Variants in SIPA1L1 observed in about 807,000 individuals in gnomAD.
SIPA1L1 encodes signal-induced proliferation-associated 1-like protein 1.
SIPA1L1 carries 26 observed loss-of-function variants against 162.7 expected under a neutral mutation model. That is an observed-to-expected ratio of 0.16 (90% confidence interval 0.12 to 0.22). The LOEUF is 0.22. SIPA1L1 is among the 10% of genes least tolerant of loss of function. The pLI, the probability that SIPA1L1 is intolerant of heterozygous loss-of-function variation, is 1.00. For missense variants in SIPA1L1, 1,874 were observed against 2,241.0 expected, an observed-to-expected ratio of 0.84 and a Z score of 3.31; for synonymous variants, 829 against 837.4, an observed-to-expected ratio of 0.99 and a Z score of 0.17.
At chr14:71,669,462 G>GCCAAT (rs2149348014) in intron 10 of SIPA1L1, among the ~76,000 whole-genome samples, 1 of 152,256 alleles carries the variant, frequency 6.6e-6, no homozygotes, top group Non-Finnish European at 1.5e-5. Context: ...ATGAGAAGTT[G>GCCAAT]CCAATTTTAA....
At chr14:71,349,419 G>A (rs1379751971) in intron 2 of SIPA1L1, among the ~76,000 whole-genome samples, 1 of 152,090 alleles carries the variant, frequency 6.6e-6, no homozygotes, top group Non-Finnish European at 1.5e-5. Flanking sequence ...CTTGTTTCTG[G>A]GCCCCCTCCA....
intron 2 of SIPA1L1, among the ~76,000 whole-genome samples, chr14:71,453,122 G>C (rs2045942518): frequency 1.3e-5 from 2 of 152,296 alleles, no homozygotes; most frequent in African/African-American, 4.8e-5. Flanking sequence ...TAATTAAAAT[G>C]TTTGTTAAAT....
At chr14:71,643,538 GTT>G (rs1190599095) in intron 7 of SIPA1L1, among the ~76,000 whole-genome samples, 1 of 152,100 alleles carries the variant, frequency 6.6e-6, no homozygotes, top group African/African-American at 2.4e-5. Context: ...TGTGAAAAAA[GTT>G]TTCTAAAATG....
chr14:71,325,975 A>G (rs2033744113), intron 2 of SIPA1L1, among the ~76,000 whole-genome samples: 1 of 152,166 alleles, frequency 6.6e-6, no homozygotes, highest in Non-Finnish European at 1.5e-5. Context: ...GCTGGTTCAC[A>G]CAAACTCGGG....
At chr14:71,646,816 C>A (rs1011389074) in intron 7 of SIPA1L1, among the ~76,000 whole-genome samples, 1 of 151,526 alleles carries the variant, frequency 6.6e-6, no homozygotes, top group African/African-American at 2.4e-5. Context: ...CTGGTGTCAT[C>A]ATAACTCTAT....
chr14:71,347,888 A>G (rs2036322509), intron 2 of SIPA1L1, among the ~76,000 whole-genome samples: 1 of 152,186 alleles, frequency 6.6e-6, no homozygotes. Context: ...TATTTTAGAT[A>G]CAGATCTTTT....
At chr14:71,695,484 A>G (rs1418957496) in intron 13 of SIPA1L1, among the ~76,000 whole-genome samples, 2 of 152,250 alleles carry the variant, frequency 1.3e-5, no homozygotes, top group African/African-American at 2.4e-5. Flanking sequence ...TTAGCTTAAT[A>G]TACGTTTGGA....
At chr14:71,422,548 G>A (rs1379041146) in intron 2 of SIPA1L1, among the ~76,000 whole-genome samples, 1 of 152,132 alleles carries the variant, frequency 6.6e-6, no homozygotes, top group Non-Finnish European at 1.5e-5. Flanking sequence ...GCTACTTGAA[G>A]CACTTCATAT....
chr14:71,371,570 G>T (rs1387880247), intron 2 of SIPA1L1, among the ~76,000 whole-genome samples: 1 of 151,672 alleles, frequency 6.6e-6, no homozygotes, highest in African/African-American at 2.4e-5. Flanking sequence ...GTTTTGTTTT[G>T]TTTTGTTTTG....
intron 6 of SIPA1L1, among the ~76,000 whole-genome samples, chr14:71,621,076 C>T (rs1319457363): frequency 2.0e-5 from 3 of 152,198 alleles, no homozygotes; most frequent in African/African-American, 7.2e-5. Flanking sequence ...GGTCTGTCAG[C>T]AACACTTGTT....
At chr14:71,536,894 A>C (rs1254765674) in intron 4 of SIPA1L1, among the ~76,000 whole-genome samples, 1 of 152,258 alleles carries the variant, frequency 6.6e-6, no homozygotes, top group Non-Finnish European at 1.5e-5. Flanking sequence ...GCGATACGCA[A>C]ATTTTAACTT....
chr14:71,404,647 C>T (rs564433406), intron 2 of SIPA1L1, among the ~76,000 whole-genome samples: 1 of 152,312 alleles, frequency 6.6e-6, no homozygotes, highest in South Asian at 2.1e-4. Flanking sequence ...AGTACTAGGA[C>T]CAGCCTAACA....
chr14:71,586,686 G>A (rs879580462), intron 4 of SIPA1L1: 1 of 152,226 alleles, frequency 6.6e-6, no homozygotes, highest in Non-Finnish European at 1.5e-5. Context: ...TCACCTGGAA[G>A]GATGCTAACA....
At chr14:71,725,798 C>T (rs577251486) in intron 19 of SIPA1L1, among the ~76,000 whole-genome samples, 2 of 152,320 alleles carry the variant, frequency 1.3e-5, no homozygotes, top group African/African-American at 4.8e-5. Flanking sequence ...GTCATGGCTG[C>T]AAACTTTGAA....
chr14:71,668,031 C>T (rs941325079), intron 10 of SIPA1L1, among the ~76,000 whole-genome samples: 2 of 151,978 alleles, frequency 1.3e-5, no homozygotes, highest in African/African-American at 4.8e-5. Flanking sequence ...CGCCACTGCA[C>T]TCCAGCCTGG....
intron 5 of SIPA1L1, among the ~76,000 whole-genome samples, chr14:71,590,032 A>T (rs1274646729): frequency 2.2e-3 from 139 of 64,350 alleles, no homozygotes; most frequent in East Asian, 4.3e-3. Context: ...AAAAAAAAAA[A>T]AAAAAAAAAA....
At chr14:71,589,905 A>G (rs904758035) in intron 5 of SIPA1L1, among the ~76,000 whole-genome samples, 13 of 151,554 alleles carry the variant, frequency 8.6e-5, no homozygotes, top group African/African-American at 1.7e-4. Flanking sequence ...CACAGAGCCA[A>G]TAAGTCTCAG....
At chr14:71,538,894 GT>G (rs1027901829) in intron 4 of SIPA1L1, among the ~76,000 whole-genome samples, 1 of 152,178 alleles carries the variant, frequency 6.6e-6, no homozygotes. Context: ...TCTTCAGACT[GT>G]TTTTTGTTTG....
At chr14:71,524,606 T>C (rs964702842) in intron 3 of SIPA1L1, among the ~76,000 whole-genome samples, 2 of 152,170 alleles carry the variant, frequency 1.3e-5, no homozygotes, top group African/African-American at 4.8e-5. Context: ...ATCATCTCAG[T>C]TTTATTTATT....
Sources: allele counts gnomAD v4.1 joint callset (sites outside exome capture counted in the v4.1 genomes callset), GRCh38; gene constraint gnomAD v4.1.1; transcripts MANE v1.5; gene names NCBI Gene and HGNC (gene_info 2026-07-23, HGNC 2026-07-21).